RAB38: variants seen among roughly 807,000 people sequenced by gnomAD.
RAB38 encodes the protein ras-related protein Rab-38.
A neutral mutation model predicts 18.4 loss-of-function variants in RAB38; 15 were observed. That is an observed-to-expected ratio of 0.82 (90% CI 0.55 to 1.26). RAB38 has a LOEUF of 1.26. Among genes scored for constraint, RAB38 ranks in the 50% most tolerant of loss-of-function variants. The pLI is 0.00. For missense variants in RAB38, 294 were observed against 267.4 expected, an observed-to-expected ratio of 1.10 and a Z score of -0.69; for synonymous variants, 101 against 104.4, an observed-to-expected ratio of 0.97 and a Z score of 0.20.
chr11:88,137,132 T>A (rs977192076), intron 2 of RAB38, among the ~76,000 whole-genome samples: 1 of 152,226 alleles, frequency 6.6e-6, no homozygotes, highest in Non-Finnish European at 1.5e-5. Flanking sequence ...ACAACTGACA[T>A]GTAGTCCCCA....
At chr11:87,870,496 C>G in the RAB38 span, among the ~76,000 whole-genome samples, 2 of 151,412 alleles carry the variant, frequency 1.3e-5, no homozygotes, top group Non-Finnish European at 3.0e-5. Flanking sequence ...ACACACATTT[C>G]TCATCAGGGG....
At chr11:87,820,296 G>T in the RAB38 span, among the ~76,000 whole-genome samples, 2 of 152,168 alleles carry the variant, frequency 1.3e-5, no homozygotes, top group African/African-American at 4.8e-5. Context: ...GGCAAAACTA[G>T]GTCCTCGGGA....
At chr11:87,864,421 G>A in the RAB38 span, among the ~76,000 whole-genome samples, 1 of 151,262 alleles carries the variant, frequency 6.6e-6, no homozygotes, top group African/African-American at 2.4e-5. Flanking sequence ...ATTATTAGCA[G>A]TAGTAGTAGC....
the RAB38 span, among the ~76,000 whole-genome samples, chr11:87,934,761 G>A: frequency 9.9e-5 from 15 of 151,876 alleles, no homozygotes; most frequent in Middle Eastern, 6.8e-3. Context: ...AACCATCTGA[G>A]GTATTTAACA....
chr11:87,883,136 C>T, the RAB38 span, among the ~76,000 whole-genome samples: 1 of 151,864 alleles, frequency 6.6e-6, no homozygotes, highest in Non-Finnish European at 1.5e-5. Flanking sequence ...TCACTGTTGA[C>T]AGCACATGCC....
At chr11:88,100,457 A>G in the RAB38 span, among the ~76,000 whole-genome samples, 1 of 151,974 alleles carries the variant, frequency 6.6e-6, no homozygotes, top group African/African-American at 2.4e-5. Context: ...TGTTAATATT[A>G]TAATTCATCG....
At chr11:88,052,119 G>A in the RAB38 span, among the ~76,000 whole-genome samples, 1 of 152,042 alleles carries the variant, frequency 6.6e-6, no homozygotes, top group Admixed American at 6.6e-5. Context: ...GCGAAACTCC[G>A]CCTCAAAATA....
At chr11:87,978,042 ATC>A in the RAB38 span, among the ~76,000 whole-genome samples, 2 of 88,410 alleles carry the variant, frequency 2.3e-5, no homozygotes, top group East Asian at 6.1e-4. Context: ...TACATAATAC[ATC>A]TATTTTTATC....
chr11:88,047,511 CA>C, the RAB38 span, among the ~76,000 whole-genome samples: 1 of 152,196 alleles, frequency 6.6e-6, no homozygotes, highest in Non-Finnish European at 1.5e-5. Flanking sequence ...TGCCTTAAGT[CA>C]AGCCCTCACT....
At chr11:87,894,952 C>A in the RAB38 span, among the ~76,000 whole-genome samples, 1 of 151,490 alleles carries the variant, frequency 6.6e-6, no homozygotes, top group Non-Finnish European at 1.5e-5. Context: ...GCTGAGACTC[C>A]TGGAACAGCT....
the RAB38 span, among the ~76,000 whole-genome samples, chr11:88,076,984 GAAAGAAAAGAAAAGAAAAGA>G: frequency 4.7e-5 from 3 of 63,672 alleles, no homozygotes; most frequent in African/African-American, 1.5e-4. Flanking sequence ...AAGAAAGAAA[GAAAGAAAAGAAAAGAAAAGA>G]AAAGAAAAGA....
At chr11:88,119,711 C>G (rs944159037) in intron 2 of RAB38, among the ~76,000 whole-genome samples, 1 of 151,856 alleles carries the variant, frequency 6.6e-6, no homozygotes, top group African/African-American at 2.4e-5. Flanking sequence ...TTCACATCTG[C>G]CTAGTTAGAA....
the RAB38 span, among the ~76,000 whole-genome samples, chr11:87,854,331 AT>A: frequency 2.0e-5 from 3 of 152,188 alleles, no homozygotes; most frequent in African/African-American, 7.2e-5. Context: ...ATTTGAGCCT[AT>A]TTTGTTAATT....
At chr11:88,057,723 GCCTGTGTGTTT>G in the RAB38 span, among the ~76,000 whole-genome samples, 1 of 152,076 alleles carries the variant, frequency 6.6e-6, no homozygotes, top group Non-Finnish European at 1.5e-5. Context: ...AAAGTTTTTA[GCCTGTGTGTTT>G]CCTCCATTAA....
the RAB38 span, among the ~76,000 whole-genome samples, chr11:88,018,524 C>A: frequency 6.6e-6 from 1 of 152,024 alleles, no homozygotes; most frequent in Non-Finnish European, 1.5e-5. Flanking sequence ...CCATTGTCTC[C>A]ATTTCTCATT....
the RAB38 span, chr11:87,816,212 C>T: frequency 6.6e-6 from 1 of 152,284 alleles, no homozygotes. Context: ...GGTTATAGTC[C>T]ATGTAGCAAT....
chr11:87,908,422 A>G, the RAB38 span, among the ~76,000 whole-genome samples: 8 of 152,144 alleles, frequency 5.3e-5, no homozygotes, highest in East Asian at 1.6e-3. Flanking sequence ...CCTTTGGTGA[A>G]TAAATTGGTA....
chr11:88,075,916 C>T, the RAB38 span, among the ~76,000 whole-genome samples: 1 of 147,898 alleles, frequency 6.8e-6, no homozygotes, highest in Admixed American at 6.7e-5. Context: ...AGCAGAAAAA[C>T]TTCAAACAAC....
the RAB38 span, among the ~76,000 whole-genome samples, chr11:87,977,618 A>G: frequency 8.4e-6 from 1 of 118,696 alleles, no homozygotes; most frequent in African/African-American, 3.3e-5. Context: ...TTATATAATT[A>G]TGTAATTGTA....
Sources: allele counts gnomAD v4.1 joint callset (sites outside exome capture counted in the v4.1 genomes callset), GRCh38; gene constraint gnomAD v4.1.1; transcripts MANE v1.5; gene names NCBI Gene and HGNC (gene_info 2026-07-23, HGNC 2026-07-21).